Variants in FAM234A observed in about 807,000 individuals in gnomAD.
FAM234A encodes family with sequence similarity 234 member A.
FAM234A carries 42 observed loss-of-function variants against 49.1 expected under a neutral mutation model. The observed-to-expected ratio is 0.86, with a 90% CI of 0.67 to 1.11. The LOEUF is 1.11. Ranked by LOEUF, FAM234A falls within the 50% of genes least tolerant of loss-of-function variation. The pLI, the probability that FAM234A is intolerant of heterozygous loss-of-function variation, is 0.00. For synonymous variants in FAM234A, 369 were observed against 316.2 expected (o/e 1.17, Z -1.77); for missense variants, 815 against 745.2 (o/e 1.09, Z -1.09).
chr16:263,535 C>T, intron 9 of FAM234A, 133 bp downstream of exon 9: 2 of 1,371,238 alleles, frequency 1.5e-6, no homozygotes, highest in East Asian at 2.4e-5. Context: ...GGCTTCTTGC[C>T]TGTCTCTGGT....
Position 263,254 on chromosome 16 carries a change from C to A in FAM234A, c.972-8C>A, listed in dbSNP as rs376234783. ...CCCGGCGCCCCTTTCTCCCACTCTC[C>A]TGTCTAGCTCTGGAGCAGTGCGCTA... On this transcript the variant is annotated splice_region_variant and splice_polypyrimidine_tract_variant and intron_variant, in intron 8 of 12. Transcript: ENST00000399932. The A allele has an allele frequency of 1.2e-6, 2 of 1,611,738 alleles. No individual in the cohort carries two copies. Among genetic ancestry groups the A allele is most frequent in the African/African-American group, 2.7e-5 (2 of 75,058 alleles).
intron 2 of FAM234A, 120 bp from the exon 3 acceptor site, chr16:254,261 G>C: frequency 2.7e-6 from 2 of 734,402 alleles, no homozygotes; most frequent in Non-Finnish European, 4.6e-6. Flanking sequence ...TCCTGGGCTG[G>C]TGGCCCATAG....
chr16:240,439 TA>T (rs1424005044), intron 1 of FAM234A, among the ~76,000 whole-genome samples: 1 of 151,952 alleles, frequency 6.6e-6, no homozygotes, highest in Non-Finnish European at 1.5e-5. Flanking sequence ...GGAGTGTGGT[TA>T]ACCAGGGTCA....
rs2051685425 is a variant in FAM234A, at chr16:266,084, A to G, written c.*1062A>G. The G allele has an allele frequency of 1.0e-6, 1 of 985,894 alleles. No individual in the cohort carries two copies. Among genetic ancestry groups the G allele is most frequent in the Non-Finnish European group, 1.2e-6 (1 of 829,962 alleles). The allele number at this position is 985,894 out of a possible 1,614,324, so 61.1% of individuals were successfully genotyped here. On this transcript the variant is annotated 3_prime_UTR_variant, in exon 13 of 13. Transcript: ENST00000399932. ...AAGAAAGCAGAATAAACATTTTTGCACTGCCTGAAAAACCCCGGTGGTCAG... is the reference window on the plus strand; with the variant it reads ...AAGAAAGCAGAATAAACATTTTTGCGCTGCCTGAAAAACCCCGGTGGTCAG...
chr16:255,449 C>A (rs1177384540), intron 3 of FAM234A, among the ~76,000 whole-genome samples: 2 of 152,188 alleles, frequency 1.3e-5, no homozygotes, highest in Admixed American at 1.3e-4. Context: ...TGGCATGCAG[C>A]TGTGGTCCCA....
intron 2 of FAM234A, among the ~76,000 whole-genome samples, chr16:253,149 T>C (rs901716925): frequency 6.6e-6 from 1 of 152,208 alleles, no homozygotes; most frequent in African/African-American, 2.4e-5. Flanking sequence ...GCCTTTCCCA[T>C]GTTCAAATGT....
At chr16:263,049 A>T (rs1596850166) in intron 8 of FAM234A, among the ~76,000 whole-genome samples, 1 of 150,980 alleles carries the variant, frequency 6.6e-6, no homozygotes, top group Non-Finnish European at 1.5e-5. Context: ...CGAACTTCTG[A>T]CCTCGTGATC....
In FAM234A at chr16:264,764, C is replaced by T. The variant is rs1389286887; in HGVS notation, c.1448-47C>T. 1.9e-6 allele frequency: 3 copies of T among 1,607,442 alleles called. No homozygotes were observed. In the South Asian group the frequency reaches 3.3e-5, roughly 18 times the overall value. On this transcript the variant is annotated intron_variant, in intron 12 of 12. Transcript: ENST00000399932. ...ACCCGGGTGTTCCGCGGGGTCTGCC[C>T]TGGCTGGTCCTGAGCCGCCCTGACA...
In FAM234A at chr16:264,815, C is replaced by T. The variant is rs140101617; in HGVS notation, c.1452C>T (p.Val484=). Residue 484 remains valine, a synonymous_variant, in exon 13 of 13, where the codon GTC becomes GTT. Transcript: ENST00000399932. ...GCTGTGTCCCCCACCCTGCAGCCGT[C>T]CTGTTTGAGCCAAGCCGCCACGCCG... ...VSTHIVAFDA[V]LFEPSRHAAY... is the part of the protein sequence containing the mutation. The T allele has an allele frequency of 3.0e-5, 48 of 1,609,224 alleles. No homozygotes were observed. Among genetic ancestry groups the T allele is most frequent in the Non-Finnish European group, 3.3e-5 (39 of 1,179,204 alleles).
At chr16:263,455 CG>C (rs2051561674) in intron 9 of FAM234A, 53 bp downstream of exon 9, 2 of 1,592,002 alleles carry the variant, frequency 1.3e-6, no homozygotes, top group African/African-American at 2.7e-5. Flanking sequence ...CCCGGCATCC[CG>C]GGCACATCCC....
rs747802443 is a variant in FAM234A at position 246,569 on chromosome 16, G to A, written c.-139-2980G>A. Among the ~76,000 whole-genome samples, 38 of 149,988 alleles carry A rather than the reference G, an allele frequency of 2.5e-4. 1 individual carries two copies. Among genetic ancestry groups the A allele is most frequent in the African/African-American group, 8.1e-4 (33 of 40,620 alleles). ...CGAGTAGCTGGGACTAAAGGTGCCCGCCACCACACCCGGCTAATTTTTTGT... is the reference window on the plus strand; with the variant it reads ...CGAGTAGCTGGGACTAAAGGTGCCCACCACCACACCCGGCTAATTTTTTGT... On this transcript the variant is annotated intron_variant, in intron 1 of 12. Transcript: ENST00000399932.
At chr16:252,413 C>T (rs1467400929) in intron 2 of FAM234A, among the ~76,000 whole-genome samples, 1 of 151,914 alleles carries the variant, frequency 6.6e-6, no homozygotes, top group Non-Finnish European at 1.5e-5. Flanking sequence ...AATCTCTTGA[C>T]CTTGTGATCT....
In FAM234A at chr16:264,946, T is replaced by A. The variant is rs760414255; in HGVS notation, c.1583T>A (p.Leu528Gln). ...GTCCCAAGCAGCAGGGTGGTCCGCC[T>A]GGGTGAGGGTGGGCCAGACAGTGAC... ...DLVPSSRVVR[L>Q]GEGGPDSDQA... is the part of the protein sequence containing the mutation. Residue 528 changes from leucine (L) to glutamine (Q), a missense_variant, in exon 13 of 13, where the codon CTG becomes CAG. Physicochemically the swap from Leu to Gln is moderately radical, Grantham distance 113 (BLOSUM62 -2). Transcript: ENST00000399932. The A allele has an allele frequency of 4.5e-5, 73 of 1,612,724 alleles. No individual in the cohort carries two copies. The highest frequency in any genetic ancestry group is 5.8e-5 in the Non-Finnish European group (69 of 1,179,808).
intron 3 of FAM234A, among the ~76,000 whole-genome samples, chr16:255,108 C>T (rs936708952): frequency 1.3e-5 from 2 of 152,190 alleles, no homozygotes; most frequent in Admixed American, 6.6e-5. Flanking sequence ...CCCGCCTCAG[C>T]CTCCCAAAGT....
At chr16:240,649 C>T (rs528887858) in intron 1 of FAM234A, among the ~76,000 whole-genome samples, 3 of 152,174 alleles carry the variant, frequency 2.0e-5, no homozygotes, top group Non-Finnish European at 4.4e-5. Flanking sequence ...ACTACAGGCG[C>T]GTGCCACCAC....
chr16:241,735 G>A (rs2050622435), intron 1 of FAM234A, among the ~76,000 whole-genome samples: 1 of 151,930 alleles, frequency 6.6e-6, no homozygotes, highest in African/African-American at 2.4e-5. Flanking sequence ...GGCTAACACA[G>A]TGAAACCCCA....
intron 8 of FAM234A, among the ~76,000 whole-genome samples, chr16:262,861 C>T (rs558821853): frequency 5.3e-5 from 8 of 150,800 alleles, no homozygotes; most frequent in African/African-American, 1.9e-4. Flanking sequence ...GCCCTGTCCC[C>T]CAGGCTGGAG....
Position 264,728 on chromosome 16 carries a change from C to T in FAM234A, c.1447+12C>T, listed in dbSNP as rs533295331. On this transcript the variant is annotated intron_variant, in intron 12 of 12. Coordinates refer to ENST00000399932, the MANE Select transcript of FAM234A (RefSeq NM_032039.4). ...TGTCGCCTTTGACGGTGAGTGTGGC[C>T]TCGGCCAGGGACCCGGGTGTTCCGC... is the stretch of plus-strand genomic sequence containing the variant. The T allele has an allele frequency of 2.5e-6, 4 of 1,609,938 alleles. No homozygotes were observed. In the African/African-American group the frequency reaches 5.3e-5, roughly 21 times the overall value.
At chr16:258,043 A>G (rs1002725132) in intron 3 of FAM234A, among the ~76,000 whole-genome samples, 5 of 151,754 alleles carry the variant, frequency 3.3e-5, no homozygotes, top group African/African-American at 1.2e-4. Context: ...TTTTTAGTAG[A>G]GAAGGTTTCA....
Sources: gnomAD v4.1 joint callset for allele counts (sites outside exome capture counted in the v4.1 genomes callset) on GRCh38, gnomAD v4.1.1 for gene constraint, MANE v1.5 for transcripts, NCBI Gene and HGNC (gene_info 2026-07-23, HGNC 2026-07-21) for gene names.